Variants in DENND5B observed in about 807,000 individuals in gnomAD.
DENND5B encodes DENN domain-containing protein 5B.
A neutral mutation model predicts 140.6 loss-of-function variants in DENND5B; 34 were observed. The observed-to-expected ratio is 0.24, with a 90% CI of 0.18 to 0.32. DENND5B has a LOEUF of 0.32. DENND5B is among the 10% of genes least tolerant of loss of function. The pLI, the probability that DENND5B is intolerant of heterozygous loss-of-function variation, is 1.00. For synonymous variants in DENND5B, 551 were observed against 562.1 expected (o/e 0.98, Z 0.28); for missense variants, 1,142 against 1,560.2 (o/e 0.73, Z 4.52).
chr12:31,413,653 A>G, intron 12 of DENND5B, 89 bp from the exon 13 acceptor site: 1 of 1,403,022 alleles, frequency 7.1e-7, no homozygotes, highest in Non-Finnish European at 9.5e-7. Flanking sequence ...CTGGGCACAG[A>G]AAGGTTTATA....
intron 8 of DENND5B, 112 bp from the exon 9 acceptor site, chr12:31,426,536 G>A: frequency 8.2e-7 from 1 of 1,213,526 alleles, no homozygotes; most frequent in South Asian, 1.6e-5. Flanking sequence ...GTCCGTAAGT[G>A]TATGTGCATA....
At chr12:31,518,061 T>C (rs1391679746) in intron 1 of DENND5B, among the ~76,000 whole-genome samples, 1 of 152,130 alleles carries the variant, frequency 6.6e-6, no homozygotes, top group African/African-American at 2.4e-5. Flanking sequence ...ATGGGAGCAG[T>C]GCAAAGTGGA....
intron 1 of DENND5B, among the ~76,000 whole-genome samples, chr12:31,510,408 G>A (rs945505542): frequency 2.0e-5 from 3 of 152,052 alleles, no homozygotes; most frequent in African/African-American, 7.2e-5. Context: ...CTTTGCCTCC[G>A]GGGTTCAAGC....
At chr12:31,585,112 C>T (rs2139509666) in intron 1 of DENND5B, among the ~76,000 whole-genome samples, 1 of 152,280 alleles carries the variant, frequency 6.6e-6, no homozygotes, top group South Asian at 2.1e-4. Flanking sequence ...AACGAGGGAT[C>T]TGCCCCCATA....
chr12:31,415,343 A>G lies in DENND5B; in HGVS notation c.2552+24T>C, dbSNP rs752198874. 2.6e-6 allele frequency: 4 copies of G among 1,543,994 alleles called. No homozygotes were observed. The Admixed American group carries it at 5.4e-5, about 21-fold the overall frequency. Reference sequence around the variant, plus strand: ...TACTTCAAAGTTATCACCACATGCTAACACATGTATTAATAACAAATACCT... The same window carrying G: ...TACTTCAAAGTTATCACCACATGCTGACACATGTATTAATAACAAATACCT... On this transcript the variant is annotated intron_variant, in intron 12 of 20. Transcript: ENST00000389082.
intron 1 of DENND5B, among the ~76,000 whole-genome samples, chr12:31,580,916 G>T (rs1950190920): frequency 6.6e-6 from 1 of 151,910 alleles, no homozygotes; most frequent in African/African-American, 2.4e-5. Flanking sequence ...GACCACCCTG[G>T]GCAACACAGA....
chr12:31,384,374 A>G lies in DENND5B; in HGVS notation c.*3229T>C, dbSNP rs1461136767. 6.6e-6 allele frequency: 1 copy of G among 152,176 alleles called. No homozygotes were observed. Among genetic ancestry groups the G allele is most frequent in the Non-Finnish European group, 1.5e-5 (1 of 68,026 alleles). The allele number at this position is 152,176 out of a possible 1,614,324, so 9.4% of individuals were successfully genotyped here. ...CTTATGTGACCCCAAACTCAGCTTA[A>G]GCATCCTTTTCATTGATCAAACTTG... On this transcript the variant is annotated 3_prime_UTR_variant, in exon 21 of 21. Coordinates refer to ENST00000389082, the MANE Select transcript of DENND5B (RefSeq NM_144973.4).
intron 1 of DENND5B, among the ~76,000 whole-genome samples, chr12:31,496,537 T>C (rs948231714): frequency 6.6e-6 from 1 of 152,204 alleles, no homozygotes; most frequent in African/African-American, 2.4e-5. Flanking sequence ...GGCAAAATTC[T>C]GGAAACATAA....
At chr12:31,413,697 GTTGATTAAATCT>G in intron 12 of DENND5B, 133 bp from the exon 13 acceptor site, 1 of 999,096 alleles carries the variant, frequency 1.0e-6, no homozygotes, top group Non-Finnish European at 1.3e-6. Flanking sequence ...TACAATTGAT[GTTGATTAAATCT>G]TTGAAGGTTC....
intron 1 of DENND5B, among the ~76,000 whole-genome samples, chr12:31,536,390 AACT>A (rs1565673838): frequency 6.6e-6 from 1 of 152,162 alleles, no homozygotes; most frequent in African/African-American, 2.4e-5. Flanking sequence ...ATTAAAAAAG[AACT>A]ACGCAGAAAT....
intron 4 of DENND5B, among the ~76,000 whole-genome samples, chr12:31,456,913 T>C (rs1469860663): frequency 2.0e-5 from 3 of 152,074 alleles, no homozygotes; most frequent in African/African-American, 2.4e-5. Context: ...ACTCCATCTC[T>C]ACAAATAATA....
In DENND5B at chr12:31,590,774, C is replaced by G. The variant is rs1429477918; in HGVS notation, c.59G>C (p.Arg20Pro). The G allele has an allele frequency of 7.2e-7, 1 of 1,385,060 alleles. No individual in the cohort carries two copies. The highest frequency in any genetic ancestry group is 9.4e-7 in the Non-Finnish European group (1 of 1,068,270). 85.8% of individuals were successfully genotyped at this position (1,385,060 alleles called of 1,614,324 possible). Residue 20 changes from arginine to proline, a missense_variant, in exon 1 of 21, where the codon CGC becomes CCC. Transcript: ENST00000389082. ...PGSGSSPAAC[R>P]FAHYFVLCGI... ...GCACAGCACGAAGTAGTGCGCGAAG[C>G]GGCAGGCGGCCGGGGAGGAGCCCGA...
chr12:31,488,707 C>T (rs1946405143), intron 2 of DENND5B, among the ~76,000 whole-genome samples: 1 of 152,198 alleles, frequency 6.6e-6, no homozygotes, highest in Non-Finnish European at 1.5e-5. Flanking sequence ...ACCTGAGTTT[C>T]ATCAGAATTG....
chr12:31,422,384 C>T (rs55993504), intron 11 of DENND5B, among the ~76,000 whole-genome samples: 2,068 of 151,608 alleles, frequency 0.014, 20 homozygotes, highest in Non-Finnish European at 0.019. Flanking sequence ...GAGCCGAGAT[C>T]GCGCCACTGC....
intron 13 of DENND5B, among the ~76,000 whole-genome samples, chr12:31,411,431 G>A (rs1444392986): frequency 3.7e-5 from 5 of 135,182 alleles, no homozygotes; most frequent in Admixed American, 1.7e-4. Context: ...TGCAACTTCC[G>A]CCTCCTGGGT....
intron 2 of DENND5B, among the ~76,000 whole-genome samples, chr12:31,491,064 GATCT>G: frequency 6.6e-6 from 1 of 152,274 alleles, no homozygotes; most frequent in East Asian, 1.9e-4. Context: ...TTAAAGATAA[GATCT>G]ATCAACTAGA....
chr12:31,485,584 C>T (rs978865583), intron 2 of DENND5B, among the ~76,000 whole-genome samples: 1 of 152,208 alleles, frequency 6.6e-6, no homozygotes, highest in African/African-American at 2.4e-5. Flanking sequence ...TGTTCCAACA[C>T]AATTTTATTT....
chr12:31,479,663 A>G lies in DENND5B; in HGVS notation c.830T>C (p.Leu277Pro). ...SDYPLREAFE[L>P]LGLENLVQVF... Reference sequence around the variant, plus strand: ...CTGCACCAGGTTCTCTAATCCCAGGAGCTCAAATGCCTCCCGAAGGGGGTA... The same window carrying G: ...CTGCACCAGGTTCTCTAATCCCAGGGGCTCAAATGCCTCCCGAAGGGGGTA... Residue 277 changes from leucine (L) to proline (P), a missense_variant, in exon 3 of 21, where the codon CTC (leucine) becomes CCC (proline). By Grantham distance (98) the Leu-to-Pro change is moderately conservative. Around this residue, in one of 5 missense-constraint regions of DENND5B, gnomAD observed 708 missense variants for 905.5 expected, o/e 0.78. Transcript: ENST00000389082. The G allele has an allele frequency of 6.4e-7, 1 of 1,570,192 alleles. No homozygotes were observed. Among genetic ancestry groups the G allele is most frequent in the South Asian group, 1.2e-5 (1 of 83,378 alleles).
rs1021441525 is a variant in DENND5B at position 31,424,863 on chromosome 12, T to C, written c.2239-176A>G. Among the ~76,000 whole-genome samples the C allele has an allele frequency of 5.5e-4, 84 of 152,198 alleles. 1 individual carries two copies. The highest frequency in any genetic ancestry group is 2.0e-3 in the African/African-American group (81 of 41,448). ...TGTTCAACTAACTGGACTAATATAATTTATATGTCACTATTTTGTCAGAAA... is the reference window on the plus strand; with the variant it reads ...TGTTCAACTAACTGGACTAATATAACTTATATGTCACTATTTTGTCAGAAA... On this transcript the variant is annotated intron_variant, in intron 9 of 20. Coordinates refer to ENST00000389082, the MANE Select transcript of DENND5B (RefSeq NM_144973.4).
Sources: allele counts gnomAD v4.1 joint callset (sites outside exome capture counted in the v4.1 genomes callset), GRCh38; gene constraint gnomAD v4.1.1; regional missense constraint gnomAD v4.1.1; transcripts MANE v1.5; gene names NCBI Gene and HGNC (gene_info 2026-07-23, HGNC 2026-07-21).